CHAF1A: variants seen among roughly 807,000 people sequenced by gnomAD.
CHAF1A encodes the protein chromatin assembly factor 1 subunit A, also known as CAF-1 subunit A.
CHAF1A carries 5 observed loss-of-function variants against 93.2 expected under a neutral mutation model. The ratio of observed to expected loss-of-function variants is 0.05; its 90% confidence interval spans 0.03 to 0.11. The LOEUF is 0.11. CHAF1A is among the 10% of genes least tolerant of loss of function. The probability of loss-of-function intolerance (pLI) is 1.00; values close to 1 mark genes in which losing one functional copy is unlikely to be tolerated. For missense variants in CHAF1A, 1,102 were observed against 1,259.9 expected (o/e 0.87, Z 1.90); for synonymous variants, 504 against 510.3 (o/e 0.99, Z 0.17).
chr19:4,443,386 C>T lies in CHAF1A; in HGVS notation c.*361C>T, dbSNP rs1007971974. The stretch of plus-strand genomic sequence containing the variant: ...TAACGAGGCAGTGTATAAACTTATT[C>T]TCTAGCCCTGAGCTGCTCTGTCTGT... On this transcript the variant is annotated 3_prime_UTR_variant, in exon 15 of 15. Coordinates refer to ENST00000301280, the MANE Select transcript of CHAF1A (RefSeq NM_005483.3). 7.5e-6 allele frequency: 2 copies of T among 266,236 alleles called. No homozygotes were observed. Among genetic ancestry groups the T allele is most frequent in the African/African-American group, 2.3e-5 (1 of 44,098 alleles). The allele number at this position is 266,236 out of a possible 1,614,324, so 16.5% of individuals were successfully genotyped here.
At chr19:4,440,569 AAATAAT>A (rs763846386) in intron 13 of CHAF1A, among the ~76,000 whole-genome samples, 5 of 152,020 alleles carry the variant, frequency 3.3e-5, no homozygotes, top group Non-Finnish European at 5.9e-5. Flanking sequence ...AGGTCTAAAA[AAATAAT>A]AATAATAATT....
downstream of CHAF1A, chr19:4,448,169 C>G (rs1974577572): frequency 1.4e-6 from 1 of 693,400 alleles, no homozygotes; most frequent in African/African-American, 1.8e-5. Context: ...CCTGAGGCCT[C>G]TGGGTGGAGC....
At chr19:4,447,911 CG>C (rs1378614586), downstream of CHAF1A, 5 of 510,206 alleles carry the variant, frequency 9.8e-6, no homozygotes, top group South Asian at 6.3e-5. Flanking sequence ...GCCACAGTGC[CG>C]GAAGAGTGGA....
intron 13 of CHAF1A, among the ~76,000 whole-genome samples, chr19:4,441,386 G>C (rs940087687): frequency 3.3e-5 from 5 of 151,566 alleles, no homozygotes; most frequent in Non-Finnish European, 7.4e-5. Flanking sequence ...GAGGTGGGTA[G>C]ATCATAAGGT....
chr19:4,430,272 G>A (rs960401032), intron 10 of CHAF1A: 97 of 389,584 alleles, frequency 2.5e-4, no homozygotes, highest in Middle Eastern at 7.9e-4. Context: ...CTGCCTCCCA[G>A]GCTCAAGTGA....
chr19:4,410,851 G>T (rs186270109), intron 3 of CHAF1A, among the ~76,000 whole-genome samples: 1 of 152,116 alleles, frequency 6.6e-6, no homozygotes, highest in Non-Finnish European at 1.5e-5. Context: ...ACCCCATCTG[G>T]AACCATTTTT....
Position 4,423,768 on chromosome 19 carries a change from C to T in CHAF1A, c.1309-38C>T, listed in dbSNP as rs78363854. 1.1e-3 allele frequency: 1,767 copies of T among 1,595,126 alleles called. 22 individuals carry two copies. The East Asian group carries it at 0.021, about 19-fold the overall frequency. On this transcript the variant is annotated intron_variant, in intron 6 of 14. Transcript: ENST00000301280. ...TTTTGCAACACATACTGTTCCTCTT[C>T]CTCTCCTCTTTCTCATCACCATCTC...
chr19:4,446,763 C>G (rs745992034), downstream of CHAF1A: 1 of 1,611,724 alleles, frequency 6.2e-7, no homozygotes, highest in African/African-American at 1.3e-5. Flanking sequence ...AATGGAGAGA[C>G]CCCCAAGCCG....
intron 13 of CHAF1A, among the ~76,000 whole-genome samples, chr19:4,435,877 G>A (rs1016880483): frequency 2.2e-4 from 33 of 152,260 alleles, no homozygotes; most frequent in Middle Eastern, 3.4e-3. Context: ...AGTGGCTCAC[G>A]CCTATAATCC....
intron 4 of CHAF1A, among the ~76,000 whole-genome samples, chr19:4,419,623 G>A (rs995833448): frequency 6.6e-6 from 1 of 151,990 alleles, no homozygotes; most frequent in East Asian, 1.9e-4. Context: ...TAGAGACAGG[G>A]TTTCGCTATG....
chr19:4,442,812 G>A (rs1229832789), intron 14 of CHAF1A, 113 bp from the exon 15 acceptor site: 2 of 722,050 alleles, frequency 2.8e-6, no homozygotes, highest in East Asian at 5.5e-5. Flanking sequence ...CTGTCAGGTG[G>A]AGGGTCCCGC....
rs1387607843 is a variant in CHAF1A, at chr19:4,428,759, C to T, written c.1473C>T (p.Leu491=). The T allele has an allele frequency of 8.1e-6, 13 of 1,614,088 alleles. No homozygotes were observed. Among genetic ancestry groups the T allele is most frequent in the African/African-American group, 1.3e-5 (1 of 74,942 alleles). ...PRRRTAFHPD[L]CSQLDQLLQQ... The stretch of plus-strand genomic sequence containing the variant: ...GTCGGACCGCTTTCCATCCAGACCT[C>T]TGCAGTCAGCTGGACCAGCTCCTCC... Residue 491 remains leucine (L), a synonymous_variant, in exon 8 of 15, where the codon CTC becomes CTT. Transcript: ENST00000301280.
Position 4,418,027 on chromosome 19 carries a change from A to G in CHAF1A, c.968A>G (p.Lys323Arg). Residue 323 changes from lysine (K) to arginine (R), a missense_variant, in exon 4 of 15, where the codon AAG (lysine) becomes AGG (arginine). Around this residue, in one of 6 missense-constraint regions of CHAF1A, gnomAD observed 379 missense variants for 365.7 expected, o/e 1.04. Transcript: ENST00000301280. ...AACGTCTTCTGTTTTCAGATAACTA[A>G]GAAATTCGTCAAAGGCTCTACAGAG... ...PTSTPLRRIT[K>R]KFVKGSTEKN... is the part of the protein sequence containing the mutation. 6.2e-7 allele frequency: 1 copy of G among 1,603,222 alleles called. No homozygotes were observed. The highest frequency in any genetic ancestry group is 8.5e-7 in the Non-Finnish European group (1 of 1,175,062).
intron 3 of CHAF1A, among the ~76,000 whole-genome samples, chr19:4,411,490 A>G (rs1256381606): frequency 1.3e-5 from 2 of 151,984 alleles, no homozygotes; most frequent in Non-Finnish European, 2.9e-5. Context: ...TTGGCCTCCC[A>G]AGTTTCTGGG....
chr19:4,412,226 T>C (rs923824051), intron 3 of CHAF1A, among the ~76,000 whole-genome samples: 3 of 152,208 alleles, frequency 2.0e-5, no homozygotes, highest in Non-Finnish European at 4.4e-5. Flanking sequence ...AATTTCGTCC[T>C]GTGATGTGAG....
chr19:4,443,360 C>T lies in CHAF1A; in HGVS notation c.*335C>T, dbSNP rs1244589463. 9.3e-6 allele frequency: 3 copies of T among 321,874 alleles called. No individual in the cohort carries two copies. In the East Asian group the frequency reaches 2.6e-4, roughly 28 times the overall value. 19.9% of individuals were successfully genotyped at this position (321,874 alleles called of 1,614,324 possible). On this transcript the variant is annotated 3_prime_UTR_variant, in exon 15 of 15. Coordinates refer to ENST00000301280, the MANE Select transcript of CHAF1A (RefSeq NM_005483.3). ...TGGCCACGTGCGCGGGCCCCTGGACCTAACGAGGCAGTGTATAAACTTATT... is the reference window on the plus strand; with the variant it reads ...TGGCCACGTGCGCGGGCCCCTGGACTTAACGAGGCAGTGTATAAACTTATT...
At position 4,430,650 on chromosome 19, in the gene CHAF1A, G is replaced by C. The variant is rs778131822; in HGVS notation, c.1947+9G>C. 8 of 1,613,488 alleles carry C rather than the reference G, an allele frequency of 5.0e-6. No homozygotes were observed. The highest frequency in any genetic ancestry group is 4.0e-5 in the African/African-American group (3 of 74,816). The stretch of plus-strand genomic sequence containing the variant: ...ACGAAGGTGTGACAGAGGTGAGGGA[G>C]TGAAGGGGGAGGTCACCGGCTCAGC... On this transcript the variant is annotated intron_variant, in intron 11 of 14. Coordinates refer to ENST00000301280, the MANE Select transcript of CHAF1A (RefSeq NM_005483.3).
At chr19:4,403,645 C>T (rs933688817) in intron 1 of CHAF1A, among the ~76,000 whole-genome samples, 10 of 152,244 alleles carry the variant, frequency 6.6e-5, no homozygotes, top group African/African-American at 2.4e-4. Context: ...CTGGCCTCCG[C>T]CTTTTGCAGG....
Position 4,422,625 on chromosome 19 carries a change from G to A in CHAF1A, c.1077G>A (p.Lys359=). The part of the protein sequence containing the change: ...KLRAEREEKE[K]LKEEAKRAKE... ...GTGCAGAAAGGGAAGAAAAGGAGAA[G>A]CTGAAAGAGGAGGCCAAGCGGGCCA... is the stretch of plus-strand genomic sequence containing the variant. Residue 359 remains lysine, a synonymous_variant, in exon 5 of 15, where the codon AAG becomes AAA. Coordinates refer to ENST00000301280, the MANE Select transcript of CHAF1A (RefSeq NM_005483.3). The surrounding 1 kb of genome is among the most constrained non-coding windows in gnomAD (Gnocchi z 4.6). 1 of 1,592,656 alleles carries A rather than the reference G, an allele frequency of 6.3e-7. No homozygotes were observed. Among genetic ancestry groups the A allele is most frequent in the Non-Finnish European group, 8.5e-7 (1 of 1,169,624 alleles).
Sources: gnomAD v4.1 joint callset for allele counts (sites outside exome capture counted in the v4.1 genomes callset) on GRCh38, gnomAD v4.1.1 for gene constraint, gnomAD v4.1.1 regional missense constraint, Gnocchi (gnomAD v3.1) non-coding constraint, MANE v1.5 for transcripts, NCBI Gene and HGNC (gene_info 2026-07-23, HGNC 2026-07-21) for gene names.